Variants in LRRC7 observed in about 807,000 individuals in gnomAD.
LRRC7 encodes the protein leucine-rich repeat-containing protein 7.
A neutral mutation model predicts 175.7 loss-of-function variants in LRRC7; 23 were observed. The ratio of observed to expected loss-of-function variants is 0.13; its 90% confidence interval spans 0.09 to 0.19. The LOEUF is 0.19. Among genes scored for constraint, LRRC7 ranks in the 10% least tolerant of loss-of-function variants. LRRC7 has a pLI of 1.00. For missense variants in LRRC7, 1,354 were observed against 1,904.7 expected (o/e 0.71, Z 5.38); for synonymous variants, 685 against 680.9 (o/e 1.01, Z -0.09).
chr1:69,879,656 A>C (rs1348981200), intron 7 of LRRC7: 1 of 152,290 alleles, frequency 6.6e-6, no homozygotes, highest in Non-Finnish European at 1.5e-5. Context: ...GGATTTCTTG[A>C]CCCCAGGAGT....
At chr1:69,903,638 G>A (rs1485548796) in intron 7 of LRRC7, among the ~76,000 whole-genome samples, 2 of 152,050 alleles carry the variant, frequency 1.3e-5, no homozygotes, top group Admixed American at 6.6e-5. Context: ...GCTTGCAGAA[G>A]ACAAGAAATA....
Position 69,971,272 on chromosome 1 carries a change from C to A in LRRC7, c.712-9107C>A, listed in dbSNP as rs531499610. On this transcript the variant is annotated intron_variant, in intron 8 of 26. Transcript: ENST00000651989. Reference sequence around the variant, plus strand: ...TTTCACCATAGTATTATGTTGAAGCCAGAGCAATCAGACAAGAGAAAGAAA... The same window carrying A: ...TTTCACCATAGTATTATGTTGAAGCAAGAGCAATCAGACAAGAGAAAGAAA... 2.6e-5 allele frequency among the ~76,000 whole-genome samples: 4 copies of A among 152,152 alleles called. 1 individual carries two copies. In the South Asian group the frequency reaches 8.3e-4, roughly 32 times the overall value.
At chr1:69,639,511 G>A (rs1056022432) in intron 1 of LRRC7, among the ~76,000 whole-genome samples, 6 of 151,718 alleles carry the variant, frequency 4.0e-5, no homozygotes, top group Non-Finnish European at 7.4e-5. Flanking sequence ...ACCCAAACAA[G>A]CTCTATGAAA....
intron 7 of LRRC7, among the ~76,000 whole-genome samples, chr1:69,925,139 A>C (rs1334140565): frequency 6.6e-5 from 10 of 152,190 alleles, no homozygotes; most frequent in Admixed American, 1.3e-4. Flanking sequence ...CTTGGGTCCC[A>C]GGGATGAAGC....
chr1:70,038,151 CATTA>C lies in LRRC7; in HGVS notation c.2328_2331del (p.Leu777SerfsTer21), dbSNP rs776948608. Reference sequence around the variant, plus strand: ...TTCCCACAGCCTCTTGATTCAAAGCCATTACTCAGCCAGCGGGAGGCTGTTCCCC... The same window carrying C: ...TTCCCACAGCCTCTTGATTCAAAGCCCTCAGCCAGCGGGAGGCTGTTCCCC... On this transcript the variant is annotated frameshift_variant, in exon 21 of 27. Transcript: ENST00000651989. LOFTEE classifies it high-confidence loss of function. The C allele has an allele frequency of 1.2e-6, 2 of 1,613,120 alleles. No homozygotes were observed. The highest frequency in any genetic ancestry group is 1.1e-5 in the South Asian group (1 of 90,896).
chr1:69,644,797 A>G (rs1180331035), intron 1 of LRRC7, among the ~76,000 whole-genome samples: 1 of 152,052 alleles, frequency 6.6e-6, no homozygotes, highest in East Asian at 1.9e-4. Context: ...TCATTAACAG[A>G]TTAGGCTTAT....
chr1:69,773,452 A>T (rs1672463274), intron 3 of LRRC7, among the ~76,000 whole-genome samples: 1 of 152,192 alleles, frequency 6.6e-6, no homozygotes, highest in African/African-American at 2.4e-5. Context: ...AAGGACGGGA[A>T]GTGACAAACT....
intron 7 of LRRC7, among the ~76,000 whole-genome samples, chr1:69,861,344 A>C (rs1247826321): frequency 6.6e-6 from 1 of 152,224 alleles, no homozygotes; most frequent in African/African-American, 2.4e-5. Flanking sequence ...ATTCTTAAAC[A>C]ATTCAGCAGA....
chr1:69,666,724 G>T (rs987462242), intron 1 of LRRC7, among the ~76,000 whole-genome samples: 3 of 151,444 alleles, frequency 2.0e-5, no homozygotes, highest in Non-Finnish European at 4.4e-5. Flanking sequence ...TCTGGCTAAA[G>T]GCTTGTCAAT....
intron 3 of LRRC7, among the ~76,000 whole-genome samples, chr1:69,770,285 A>T (rs72941458): frequency 0.045 from 6,855 of 152,274 alleles, 254 homozygotes; most frequent in African/African-American, 0.094. Context: ...TATGCTTTCA[A>T]TCGATGCTTC....
intron 9 of LRRC7, among the ~76,000 whole-genome samples, chr1:69,985,100 A>T (rs1044182859): frequency 6.6e-6 from 1 of 152,088 alleles, no homozygotes; most frequent in Non-Finnish European, 1.5e-5. Flanking sequence ...CATTCACTAC[A>T]TGCTTTTTTA....
intron 7 of LRRC7, among the ~76,000 whole-genome samples, chr1:69,858,696 A>G (rs541781774): frequency 5.3e-4 from 80 of 152,198 alleles, no homozygotes; most frequent in African/African-American, 1.9e-3. Flanking sequence ...AAGTCAGAAT[A>G]TTTATATCAG....
intron 8 of LRRC7, among the ~76,000 whole-genome samples, chr1:69,934,314 G>C (rs1647720624): frequency 5.3e-5 from 8 of 151,964 alleles, no homozygotes; most frequent in Admixed American, 5.3e-4. Context: ...GAGAACAGAA[G>C]TTGGCTTGCT....
chr1:69,698,248 A>G (rs911663197), intron 2 of LRRC7, among the ~76,000 whole-genome samples: 3 of 152,228 alleles, frequency 2.0e-5, no homozygotes, highest in African/African-American at 7.2e-5. Flanking sequence ...ATTAAAGTGC[A>G]ATCGAGAGAG....
chr1:69,818,442 T>C (rs1191248047), intron 4 of LRRC7, among the ~76,000 whole-genome samples: 4 of 152,108 alleles, frequency 2.6e-5, no homozygotes, highest in Non-Finnish European at 5.9e-5. Context: ...TAAACCATCT[T>C]TGCCTCCCCA....
Position 70,143,194 on chromosome 1 carries a change from C to T in LRRC7, c.*21307C>T, listed in dbSNP as rs1377636141. 1.3e-5 allele frequency: 2 copies of T among 149,810 alleles called. No homozygotes were observed. The highest frequency in any genetic ancestry group is 3.0e-5 in the Non-Finnish European group (2 of 67,582). The allele number at this position is 149,810 out of a possible 1,614,324, so 9.3% of individuals were successfully genotyped here. On this transcript the variant is annotated 3_prime_UTR_variant, in exon 27 of 27. Coordinates refer to ENST00000651989, the MANE Select transcript of LRRC7 (RefSeq NM_001370785.2). ...GCTATTTTAGTAAAATGAAGAGTCT[C>T]TAGACTTTTTTTTTTTTTTTAATGA... is the stretch of plus-strand genomic sequence containing the variant.
intron 8 of LRRC7, among the ~76,000 whole-genome samples, chr1:69,958,620 G>A (rs1650732677): frequency 6.6e-6 from 1 of 152,002 alleles, no homozygotes; most frequent in Non-Finnish European, 1.5e-5. Flanking sequence ...TAGAGTTCCT[G>A]TAAAGACAAG....
chr1:70,051,267 C>T lies in LRRC7; in HGVS notation c.4111-1759C>T, dbSNP rs540994024. On this transcript the variant is annotated intron_variant, in intron 22 of 26. Transcript: ENST00000651989. Reference sequence around the variant, plus strand: ...ATTGTGGCCACTTCTTAAAAATCTACATTGCACAGACCTGGCCAAATGAAC... The same window carrying T: ...ATTGTGGCCACTTCTTAAAAATCTATATTGCACAGACCTGGCCAAATGAAC... 1.2e-3 allele frequency among the ~76,000 whole-genome samples: 177 copies of T among 152,106 alleles called. 1 individual carries two copies. Among genetic ancestry groups the T allele is most frequent in the South Asian group, 1.7e-3 (8 of 4,832 alleles).
intron 1 of LRRC7, among the ~76,000 whole-genome samples, chr1:69,575,263 C>T (rs1238805715): frequency 6.6e-6 from 1 of 152,132 alleles, no homozygotes; most frequent in Non-Finnish European, 1.5e-5. Context: ...ACCCTTGGAA[C>T]TACTGGGGTC....
Sources: allele counts gnomAD v4.1 joint callset (sites outside exome capture counted in the v4.1 genomes callset), GRCh38; gene constraint gnomAD v4.1.1; transcripts MANE v1.5; gene names NCBI Gene and HGNC (gene_info 2026-07-23, HGNC 2026-07-21).